The following NFATC1 variants were observed in gnomAD, a reference collection of about 807,000 sequenced individuals.
The protein encoded by NFATC1 is nuclear factor of activated T cells 1.
Under a neutral mutation model 76.0 loss-of-function variants are expected in NFATC1, and 22 were observed. The observed-to-expected ratio is 0.29, with a 90% CI of 0.21 to 0.41. The LOEUF (loss-of-function observed/expected upper bound fraction) is 0.41. Among genes scored for constraint, NFATC1 ranks in the 10% least tolerant of loss-of-function variants. The pLI is 1.00. For synonymous variants in NFATC1, 704 were observed against 613.1 expected (o/e 1.15, Z -2.19); for missense variants, 1,357 against 1,337.7 (o/e 1.01, Z -0.23).
rs1248780503 is a variant in NFATC1, at chr18:79,486,357, C to T, written c.2202C>T (p.Leu734=). Reference sequence around the variant, plus strand: ...CAAGACCATACTACAGCCAGCAGCTCGCGATGCCACCCGACCCCAGCTCCT... The same window carrying T: ...CAAGACCATACTACAGCCAGCAGCTTGCGATGCCACCCGACCCCAGCTCCT... ...PLPRPYYSQQ[L]AMPPDPSSCL... The change falls in exon 9 of 10, where the codon CTC becomes CTT. Residue 734 remains leucine, a synonymous_variant. Coordinates refer to ENST00000427363, the MANE Select transcript of NFATC1 (RefSeq NM_001278669.2). The T allele has an allele frequency of 1.9e-6, 3 of 1,613,122 alleles. No homozygotes were observed. Among genetic ancestry groups the T allele is most frequent in the East Asian group, 4.5e-5 (2 of 44,880 alleles).
intron 8 of NFATC1, among the ~76,000 whole-genome samples, chr18:79,471,875 C>A (rs1234714212): frequency 3.9e-5 from 6 of 152,232 alleles, no homozygotes; most frequent in African/African-American, 1.4e-4. Context: ...GCTGGAGACT[C>A]AAACGTCACG....
At chr18:79,446,849 G>C (rs778099837) in intron 3 of NFATC1, among the ~76,000 whole-genome samples, 14 of 152,350 alleles carry the variant, frequency 9.2e-5, no homozygotes, top group South Asian at 2.1e-4. Flanking sequence ...CCTCATCCCT[G>C]TCTGTGGCTT....
chr18:79,488,601 G>A lies in NFATC1; in HGVS notation c.2782+1664G>A, dbSNP rs189609710. On this transcript the variant is annotated intron_variant, in intron 9 of 9. Coordinates refer to ENST00000427363, the MANE Select transcript of NFATC1 (RefSeq NM_001278669.2). Reference sequence around the variant, plus strand: ...CCTGCTGTCCTCCTTGTCCACCCGCGAGGCCAGCCGGAGCTCCGCATGGGG... The same window carrying A: ...CCTGCTGTCCTCCTTGTCCACCCGCAAGGCCAGCCGGAGCTCCGCATGGGG... Among the ~76,000 whole-genome samples, 285 of 152,266 alleles carry A rather than the reference G, an allele frequency of 1.9e-3. 1 individual carries two copies. The highest frequency in any genetic ancestry group is 3.0e-3 in the Non-Finnish European group (203 of 68,020).
chr18:79,431,852 G>A (rs973898230), intron 2 of NFATC1, among the ~76,000 whole-genome samples: 2 of 152,120 alleles, frequency 1.3e-5, no homozygotes, highest in African/African-American at 2.4e-5. Context: ...ACAGGCCTCC[G>A]CCACCACGCC....
intron 4 of NFATC1, among the ~76,000 whole-genome samples, chr18:79,450,482 T>C (rs1301278789): frequency 1.3e-5 from 2 of 150,704 alleles, no homozygotes; most frequent in African/African-American, 4.9e-5. Flanking sequence ...ATGATAATAA[T>C]AAATTGAGCT....
chr18:79,416,481 C>T (rs1312481130), intron 2 of NFATC1, among the ~76,000 whole-genome samples: 5 of 80,626 alleles, frequency 6.2e-5, no homozygotes, highest in South Asian at 5.7e-4. Context: ...AGACTGTCCG[C>T]GGGCGCTGGT....
intron 3 of NFATC1, among the ~76,000 whole-genome samples, chr18:79,437,472 G>A (rs2086821081): frequency 6.8e-6 from 1 of 146,656 alleles, no homozygotes; most frequent in African/African-American, 2.5e-5. Flanking sequence ...TCGGTGGGCC[G>A]GTCTGGATCT....
chr18:79,471,632 C>G (rs761392799), intron 8 of NFATC1, among the ~76,000 whole-genome samples: 3 of 152,200 alleles, frequency 2.0e-5, no homozygotes, highest in Non-Finnish European at 2.9e-5. Context: ...ACAGCCAGCC[C>G]TGCCTCTGTG....
intron 1 of NFATC1, among the ~76,000 whole-genome samples, chr18:79,406,429 C>T (rs1257425965): frequency 6.6e-6 from 1 of 151,992 alleles, no homozygotes; most frequent in African/African-American, 2.4e-5. Context: ...GAGGCTGGGC[C>T]CCCGTGATCG....
chr18:79,448,548 A>G (rs970145187), intron 3 of NFATC1: 4 of 570,142 alleles, frequency 7.0e-6, no homozygotes, highest in Non-Finnish European at 1.2e-5. Context: ...GTGTGGATGC[A>G]TACGTGCAAG....
chr18:79,468,445 T>A (rs556412870), intron 8 of NFATC1: 5 of 152,238 alleles, frequency 3.3e-5, no homozygotes, highest in Non-Finnish European at 5.9e-5. Context: ...TGAATTTTAC[T>A]GTATTTTGGG....
chr18:79,425,364 C>T (rs182733452), intron 2 of NFATC1, among the ~76,000 whole-genome samples: 3 of 151,664 alleles, frequency 2.0e-5, no homozygotes, highest in Admixed American at 6.6e-5. Context: ...CCGCGGCTGC[C>T]GGCTGAGGAG....
At position 79,410,983 on chromosome 18, in the gene NFATC1, C is replaced by A; in HGVS notation, c.708C>A (p.His236Gln). 6.2e-7 allele frequency: 1 copy of A among 1,605,274 alleles called. No individual in the cohort carries two copies. Among genetic ancestry groups the A allele is most frequent in the Admixed American group, 1.7e-5 (1 of 59,616 alleles). The change falls in exon 2 of 10, where the codon CAC (histidine) becomes CAA (glutamine). Residue 236 changes from histidine to glutamine, a missense_variant. Coordinates refer to ENST00000427363, the MANE Select transcript of NFATC1 (RefSeq NM_001278669.2). This position sits in a 1 kb window ranked among gnomAD's most constrained non-coding sequence, Gnocchi z 6.7. ...GCACACTGCTGGGTTCCCCGCGGCA[C>A]TCCCCCTCCACCTCGCCCCGCGCCA... Reference protein sequence around the residue: ...GACTLLGSPRHSPSTSPRASV... With the variant: ...GACTLLGSPRQSPSTSPRASV...
At chr18:79,493,718 A>T (rs1272701666) in intron 9 of NFATC1, 2 of 152,174 alleles carry the variant, frequency 1.3e-5, no homozygotes, top group East Asian at 3.9e-4. Flanking sequence ...GCTGAGGATG[A>T]TTGAAAGAGC....
intron 7 of NFATC1, among the ~76,000 whole-genome samples, chr18:79,461,856 C>A (rs985688908): frequency 1.3e-5 from 2 of 152,218 alleles, no homozygotes; most frequent in African/African-American, 4.8e-5. Context: ...CTCCTCACCC[C>A]GTCCTCCGAG....
intron 4 of NFATC1, among the ~76,000 whole-genome samples, chr18:79,450,168 C>T (rs1376530624): frequency 1.3e-5 from 2 of 152,136 alleles, no homozygotes; most frequent in Non-Finnish European, 1.5e-5. Context: ...TGCTGGCTGC[C>T]GCCTCGTGGG....
At chr18:79,495,952 A>T (rs1660155) in intron 9 of NFATC1, 2 of 150,734 alleles carry the variant, frequency 1.3e-5, no homozygotes, top group South Asian at 2.1e-4. Context: ...AGCCGTGAAC[A>T]GTAGTAAGGC....
intron 7 of NFATC1, among the ~76,000 whole-genome samples, chr18:79,462,676 A>G (rs925294726): frequency 4.6e-5 from 7 of 152,182 alleles, no homozygotes; most frequent in Admixed American, 1.3e-4. Context: ...GTTTAGTCCT[A>G]TAAAAGCAGT....
At chr18:79,460,800 CA>C (rs2088026891) in intron 6 of NFATC1, among the ~76,000 whole-genome samples, 1 of 152,214 alleles carries the variant, frequency 6.6e-6, no homozygotes, top group African/African-American at 2.4e-5. Context: ...TCACTACTCT[CA>C]CACCTCCTGC....
Sources: gnomAD v4.1 joint callset for allele counts (sites outside exome capture counted in the v4.1 genomes callset) on GRCh38, gnomAD v4.1.1 for gene constraint, Gnocchi (gnomAD v3.1) non-coding constraint, MANE v1.5 for transcripts, NCBI Gene and HGNC (gene_info 2026-07-23, HGNC 2026-07-21) for gene names.